Variants in CFAP251 observed in about 807,000 individuals in gnomAD.
CFAP251 encodes cilia- and flagella-associated protein 251.
Under a neutral mutation model 126.7 loss-of-function variants are expected in CFAP251, and 93 were observed. The ratio of observed to expected loss-of-function variants is 0.73; its 90% CI spans 0.62 to 0.87. CFAP251 has a LOEUF of 0.87. Ranked by LOEUF, CFAP251 falls within the 40% of genes least tolerant of loss-of-function variation. CFAP251 has a pLI of 0.00. For synonymous variants in CFAP251, 503 were observed against 506.9 expected, an observed-to-expected ratio of 0.99 and a Z score of 0.10; for missense variants, 1,287 against 1,389.2, an observed-to-expected ratio of 0.93 and a Z score of 1.17.
intron 5 of CFAP251, among the ~76,000 whole-genome samples, chr12:121,935,201 C>T (rs1445352132): frequency 6.6e-6 from 1 of 152,230 alleles, no homozygotes. Context: ...AAGCCATCCT[C>T]CTGCCTCGGC....
At chr12:121,966,226 CCCCTCCCCTCCCCTT>C (rs1263567934) in intron 15 of CFAP251, among the ~76,000 whole-genome samples, 1 of 20,578 alleles carries the variant, frequency 4.9e-5, no homozygotes, top group Non-Finnish European at 9.0e-5. Context: ...CCCCTTCCCT[CCCCTCCCCTCCCCTT>C]CCCTCCCCTC....
intron 19 of CFAP251, among the ~76,000 whole-genome samples, chr12:121,992,056 G>GTGAATGGAATA (rs1882887439): frequency 1.3e-5 from 2 of 152,298 alleles, no homozygotes; most frequent in South Asian, 4.1e-4. Flanking sequence ...AGCTCTCCAG[G>GTGAATGGAATA]TGAATGGAAT....
At chr12:121,931,385 T>C (rs1880681564) in intron 3 of CFAP251, among the ~76,000 whole-genome samples, 1 of 150,606 alleles carries the variant, frequency 6.6e-6, no homozygotes, top group African/African-American at 2.5e-5. Context: ...CGATCTCGGC[T>C]CACTGCAACC....
rs746397968 is a variant in CFAP251, at chr12:122,001,542, T to TG, written c.3282dup (p.Phe1095ValfsTer25). On this transcript the variant is annotated frameshift_variant, in exon 21 of 22. Coordinates refer to ENST00000288912, the MANE Select transcript of CFAP251 (RefSeq NM_144668.6). LOFTEE classifies it high-confidence loss of function. The stretch of plus-strand genomic sequence containing the variant: ...GAGATGTTGGATTGCTTTGCTTCAC[T>TG]GTTTGGCCTGAATCCCGAGGGATGG... The TG allele has an allele frequency of 1.2e-6, 2 of 1,614,156 alleles. No homozygotes were observed. The highest frequency in any genetic ancestry group is 2.2e-5 in the South Asian group (2 of 91,080).
At chr12:121,992,222 C>A in intron 19 of CFAP251, 1 of 985,474 alleles carries the variant, frequency 1.0e-6, no homozygotes, top group African/African-American at 1.7e-5. Flanking sequence ...ATTTCCAGCT[C>A]CGAGGTTCCT....
intron 17 of CFAP251, chr12:121,971,603 A>T (rs1228974683): frequency 7.1e-6 from 5 of 702,796 alleles, no homozygotes; most frequent in Non-Finnish European, 1.3e-5. Flanking sequence ...CAGACACATC[A>T]AGAAGCTAAC....
At chr12:121,994,390 C>T (rs1882976572) in intron 19 of CFAP251, among the ~76,000 whole-genome samples, 1 of 87,466 alleles carries the variant, frequency 1.1e-5, no homozygotes, top group Admixed American at 1.0e-4. Flanking sequence ...AGGGGCGCCT[C>T]TGCCCGGCCG....
At chr12:121,937,409 G>A (rs191555151) in intron 5 of CFAP251, among the ~76,000 whole-genome samples, 1 of 152,236 alleles carries the variant, frequency 6.6e-6, no homozygotes, top group Non-Finnish European at 1.5e-5. Flanking sequence ...GTCCACAAAG[G>A]ACCTGTGTCC....
rs1334372219 is a variant in CFAP251, at chr12:121,957,170, A to G, written c.1632A>G (p.Ile544Met). 6.2e-7 allele frequency: 1 copy of G among 1,614,092 alleles called. No homozygotes were observed. Reference protein sequence around the residue: ...NWYSHLKLGAIRTLSFSKTPA... With the variant: ...NWYSHLKLGAMRTLSFSKTPA... ...ACAGTCACTTGAAACTGGGCGCCATAAGAACTCTGTCCTTTTCAAAGACCC... is the reference window on the plus strand; with the variant it reads ...ACAGTCACTTGAAACTGGGCGCCATGAGAACTCTGTCCTTTTCAAAGACCC... Residue 544 changes from isoleucine (I) to methionine (M), a missense_variant, in exon 11 of 22, where the codon ATA (isoleucine) becomes ATG (methionine). Ile to Met is a conservative substitution (Grantham distance 10, BLOSUM62 1). Transcript: ENST00000288912.
chr12:121,937,523 G>T (rs1320542968), intron 5 of CFAP251, among the ~76,000 whole-genome samples: 2 of 152,202 alleles, frequency 1.3e-5, no homozygotes, highest in African/African-American at 4.8e-5. Flanking sequence ...CTAGAGCGCA[G>T]CACCAGGCCA....
intron 7 of CFAP251, among the ~76,000 whole-genome samples, chr12:121,944,520 A>G (rs1347557616): frequency 6.6e-6 from 1 of 152,172 alleles, no homozygotes; most frequent in Non-Finnish European, 1.5e-5. Context: ...TGAGCATGGG[A>G]TGCCTTGCCG....
In CFAP251 at chr12:121,942,559, A is replaced by G; in HGVS notation, c.1024A>G (p.Ser342Gly). ...TGIPVHTIFD[S>G]CPEGNGIMAM... ...TATTCCTGTGCACACAATATTTGAC[A>G]GCTGCCCTGAAGGGAATGGCATCAT... Residue 342 changes from serine to glycine, a missense_variant, in exon 6 of 22, where the codon AGC becomes GGC. By Grantham distance (56) the Ser-to-Gly change is moderately conservative. Transcript: ENST00000288912. 1 of 1,613,858 alleles carries G rather than the reference A, an allele frequency of 6.2e-7. No individual in the cohort carries two copies. The highest frequency in any genetic ancestry group is 8.5e-7 in the Non-Finnish European group (1 of 1,179,882).
chr12:121,926,257 C>T (rs1025719530), intron 3 of CFAP251, among the ~76,000 whole-genome samples: 2 of 151,964 alleles, frequency 1.3e-5, no homozygotes, highest in Non-Finnish European at 2.9e-5. Flanking sequence ...TAGCTTATTG[C>T]ATGTATCTTC....
chr12:121,949,158 C>T, intron 8 of CFAP251, 97 bp downstream of exon 8: 1 of 711,494 alleles, frequency 1.4e-6, no homozygotes, highest in Non-Finnish European at 2.3e-6. Flanking sequence ...TATAGTATCT[C>T]TACTTAGGAA....
At chr12:121,969,373 A>T in intron 17 of CFAP251, 5 of 985,380 alleles carry the variant, frequency 5.1e-6, no homozygotes, top group Non-Finnish European at 6.0e-6. Context: ...GAACTCTCCT[A>T]TTGAAAAGGG....
In CFAP251 at chr12:121,954,352, A is replaced by G; in HGVS notation, c.1535+18A>G. On this transcript the variant is annotated intron_variant, in intron 10 of 21. Transcript: ENST00000288912. ...ATTGATAGGTAATTTTAACTTAATT[A>G]AAAGATAACTATGGATAATTATAAA... is the stretch of plus-strand genomic sequence containing the variant. 6.3e-7 allele frequency: 1 copy of G among 1,585,886 alleles called. No individual in the cohort carries two copies. Among genetic ancestry groups the G allele is most frequent in the Non-Finnish European group, 8.6e-7 (1 of 1,159,502 alleles).
chr12:121,934,408 G>A, intron 5 of CFAP251, 52 bp downstream of exon 5: 1 of 1,381,006 alleles, frequency 7.2e-7, no homozygotes, highest in Non-Finnish European at 1.0e-6. Flanking sequence ...TAGAGTATCT[G>A]CCACTGTGTG....
intron 19 of CFAP251, among the ~76,000 whole-genome samples, chr12:121,976,866 C>T (rs917692702): frequency 2.0e-5 from 3 of 152,130 alleles, no homozygotes; most frequent in Non-Finnish European, 4.4e-5. Context: ...CGTGATTGTG[C>T]CACTGCACTC....
At chr12:121,930,194 A>T (rs1361601359) in intron 3 of CFAP251, among the ~76,000 whole-genome samples, 1 of 151,828 alleles carries the variant, frequency 6.6e-6, no homozygotes, top group Non-Finnish European at 1.5e-5. Flanking sequence ...CTTAATTTTT[A>T]AAAAATACTT....
Sources: gnomAD v4.1 joint callset for allele counts (sites outside exome capture counted in the v4.1 genomes callset) on GRCh38, gnomAD v4.1.1 for gene constraint, MANE v1.5 for transcripts, NCBI Gene and HGNC (gene_info 2026-07-23, HGNC 2026-07-21) for gene names.